STYXL1: variants seen among roughly 807,000 people sequenced by gnomAD.
STYXL1 encodes the protein serine/threonine/tyrosine-interacting-like protein 1.
Under a neutral mutation model 36.4 loss-of-function variants are expected in STYXL1, and 32 were observed. That is an observed-to-expected ratio of 0.88 (90% CI 0.66 to 1.18). The LOEUF (loss-of-function observed/expected upper bound fraction) is 1.18. Among genes scored for constraint, STYXL1 ranks in the 50% most tolerant of loss-of-function variants. The pLI, the probability that STYXL1 is intolerant of heterozygous loss-of-function variation, is 0.00. For synonymous variants in STYXL1, 133 were observed against 144.1 expected (o/e 0.92, Z 0.55); for missense variants, 354 against 394.1 (o/e 0.90, Z 0.86).
chr7:76,016,119 C>T (rs1585235783), intron 4 of STYXL1, among the ~76,000 whole-genome samples: 2 of 151,928 alleles, frequency 1.3e-5, no homozygotes, highest in East Asian at 1.9e-4. Flanking sequence ...CATATATATA[C>T]ACACACATAT....
chr7:76,047,091 C>G (rs1797221637), intron 1 of STYXL1, among the ~76,000 whole-genome samples: 1 of 20,078 alleles, frequency 5.0e-5, no homozygotes. Context: ...GAAACCCCGT[C>G]TCTACTAAAA....
At chr7:76,020,315 G>C (rs532474340) in intron 4 of STYXL1, among the ~76,000 whole-genome samples, 1 of 152,354 alleles carries the variant, frequency 6.6e-6, no homozygotes, top group African/African-American at 2.4e-5. Flanking sequence ...CCCCGTGGCA[G>C]TTGGTGTGAG....
At position 76,028,344 on chromosome 7, in the gene STYXL1, G is replaced by C. The variant is rs566318230; in HGVS notation, c.165+298C>G. ...CCACCATGCCCAGCCAAGCCCAGGA[G>C]TTTAAGGCCGCAGTGAGCTATGATT... On this transcript the variant is annotated intron_variant, in intron 3 of 8. Transcript: ENST00000359697. 1.1e-4 allele frequency among the ~76,000 whole-genome samples: 16 copies of C among 152,170 alleles called. No homozygotes were observed. The South Asian group carries it at 2.1e-3, about 20-fold the overall frequency.
intron 1 of STYXL1, among the ~76,000 whole-genome samples, chr7:76,047,208 C>T (rs531773295): frequency 1.1e-4 from 17 of 152,158 alleles, no homozygotes; most frequent in African/African-American, 4.1e-4. Flanking sequence ...TTGCAGTGAG[C>T]CAAGATCGCG....
intron 5 of STYXL1, among the ~76,000 whole-genome samples, chr7:76,009,481 G>C (rs1356867242): frequency 6.6e-6 from 1 of 152,112 alleles, no homozygotes; most frequent in Non-Finnish European, 1.5e-5. Flanking sequence ...GTGTGACTCA[G>C]CTCACTGCAA....
At chr7:76,036,208 C>A (rs1041927300) in intron 1 of STYXL1, among the ~76,000 whole-genome samples, 1 of 150,130 alleles carries the variant, frequency 6.7e-6, no homozygotes, top group Non-Finnish European at 1.5e-5. Context: ...TCGAGTGATT[C>A]TCTCACCTCA....
chr7:76,027,663 T>A lies in STYXL1; in HGVS notation c.165+979A>T, dbSNP rs536623000. Among the ~76,000 whole-genome samples, 50 of 151,288 alleles carry A rather than the reference T, an allele frequency of 3.3e-4. No individual in the cohort carries two copies. In the East Asian group the frequency reaches 9.3e-3, roughly 28 times the overall value. On this transcript the variant is annotated intron_variant, in intron 3 of 8. Coordinates refer to ENST00000359697, the MANE Select transcript of STYXL1 (RefSeq NM_001317785.2). ...AAAATAAAGATAAAAATGAAAAAAA[T>A]ATATAAAAACAACACATAAAAACAG...
chr7:75,999,722 A>G (rs1005339026), intron 8 of STYXL1, among the ~76,000 whole-genome samples: 2 of 151,452 alleles, frequency 1.3e-5, no homozygotes, highest in Admixed American at 6.6e-5. Context: ...TAATTTTTGT[A>G]TTTTTAGTAG....
At chr7:76,003,090 A>C (rs568045389) in intron 7 of STYXL1, among the ~76,000 whole-genome samples, 1 of 152,166 alleles carries the variant, frequency 6.6e-6, no homozygotes, top group South Asian at 2.1e-4. Context: ...CTCCTCTGGC[A>C]ATCTGGAGCC....
intron 4 of STYXL1, among the ~76,000 whole-genome samples, chr7:76,016,281 T>TACAC (rs1291790174): frequency 5.5e-4 from 83 of 151,672 alleles, no homozygotes; most frequent in African/African-American, 1.9e-3. Context: ...TGTGTATATA[T>TACAC]GTATATCTAT....
At chr7:76,005,980 C>T (rs1180711772) in intron 5 of STYXL1, among the ~76,000 whole-genome samples, 2 of 151,980 alleles carry the variant, frequency 1.3e-5, no homozygotes, top group Non-Finnish European at 2.9e-5. Flanking sequence ...TGGTCTTGAA[C>T]TCCTGACCTC....
chr7:76,046,370 G>A (rs1797082335), intron 1 of STYXL1, among the ~76,000 whole-genome samples: 1 of 147,420 alleles, frequency 6.8e-6, no homozygotes, highest in African/African-American at 2.5e-5. Flanking sequence ...TTTTGAGCCG[G>A]AGTTTAGCTC....
rs950757103 is a variant in STYXL1 at position 76,046,403 on chromosome 7, A to G, written c.-5+1259T>C. Among the ~76,000 whole-genome samples the G allele has an allele frequency of 2.0e-5, 3 of 150,948 alleles. 1 individual carries two copies. On this transcript the variant is annotated intron_variant, in intron 1 of 8. Transcript: ENST00000359697. The stretch of plus-strand genomic sequence containing the variant: ...CTCTTATCACCCAGGATGGAGTACA[A>G]TGGCACAATCTTGGCTCACAGCAAC...
intron 2 of STYXL1, among the ~76,000 whole-genome samples, chr7:76,030,032 C>T (rs928488787): frequency 7.9e-5 from 12 of 151,888 alleles, no homozygotes; most frequent in Admixed American, 4.6e-4. Flanking sequence ...CAGGGTCTCA[C>T]TCTGTCACCC....
intron 3 of STYXL1, among the ~76,000 whole-genome samples, chr7:76,026,960 G>A (rs1307990788): frequency 6.6e-6 from 1 of 152,330 alleles, no homozygotes; most frequent in Non-Finnish European, 1.5e-5. Flanking sequence ...ACAGGCTGGA[G>A]GCTGAGGCAG....
intron 5 of STYXL1, among the ~76,000 whole-genome samples, chr7:76,006,642 T>C (rs1172273159): frequency 6.6e-6 from 1 of 151,786 alleles, no homozygotes; most frequent in African/African-American, 2.4e-5. Context: ...CGGGCACCTG[T>C]AATCCCAGCT....
rs1585174691 is a variant in STYXL1, at chr7:76,000,993, T to C, written c.707A>G (p.His236Arg). The change falls in exon 8 of 9, where the codon CAT (histidine) becomes CGT (arginine). Residue 236 changes from histidine to arginine, a missense_variant. Physicochemically the swap from His to Arg is conservative, Grantham distance 29. Coordinates refer to ENST00000359697, the MANE Select transcript of STYXL1 (RefSeq NM_001317785.2). Reference sequence around the variant, plus strand: ...GATCAGAATGACAGAGCCAAGGTGATGGTGAATTTCTGCAAAAAGAAGTGG... The same window carrying C: ...GATCAGAATGACAGAGCCAAGGTGACGGTGAATTTCTGCAAAAAGAAGTGG... Reference protein sequence around the residue: ...RHMCHFIEIHHHLGSVILIFS... With the variant: ...RHMCHFIEIHRHLGSVILIFS... 1 of 1,613,886 alleles carries C rather than the reference T, an allele frequency of 6.2e-7. No homozygotes were observed.
chr7:76,010,645 G>T (rs1585214550), intron 5 of STYXL1, among the ~76,000 whole-genome samples: 1 of 152,176 alleles, frequency 6.6e-6, no homozygotes, highest in South Asian at 2.1e-4. Flanking sequence ...CAGAGAGCAG[G>T]CACTTTCCCA....
intron 4 of STYXL1, among the ~76,000 whole-genome samples, chr7:76,021,080 A>ATTTTTTTTTTTTTTTTTTTTTTTTT (rs200072611): frequency 2.1e-5 from 3 of 144,956 alleles, no homozygotes; most frequent in African/African-American, 5.1e-5. Context: ...TGTTACAAGA[A>ATTTTTTTTTTTTTTTTTTTTTTTTT]TTTTTTTTTT....
Sources: gnomAD v4.1 joint callset for allele counts (sites outside exome capture counted in the v4.1 genomes callset) on GRCh38, gnomAD v4.1.1 for gene constraint, MANE v1.5 for transcripts, NCBI Gene and HGNC (gene_info 2026-07-23, HGNC 2026-07-21) for gene names.